AZIN2: variants seen among roughly 807,000 people sequenced by gnomAD.
AZIN2 encodes the protein ODC antizyme inhibitor-2.
AZIN2 carries 28 observed loss-of-function variants against 47.8 expected under a neutral mutation model. That is an observed-to-expected ratio of 0.59 (90% CI 0.43 to 0.80). The LOEUF is 0.80. AZIN2 is among the 30% of genes least tolerant of loss of function. The pLI is 0.00. For synonymous variants in AZIN2, 221 were observed against 239.4 expected (o/e 0.92, Z 0.71); for missense variants, 535 against 582.5 (o/e 0.92, Z 0.84).
At chr1:33,160,408 A>G in the AZIN2 span, among the ~76,000 whole-genome samples, 100 of 151,810 alleles carry the variant, frequency 6.6e-4, 3 homozygotes, top group East Asian at 0.014. Flanking sequence ...TGCTTTTATT[A>G]TTATTAGTTT....
At chr1:33,112,105 T>A (rs1644315168) in intron 10 of AZIN2, among the ~76,000 whole-genome samples, 1 of 152,078 alleles carries the variant, frequency 6.6e-6, no homozygotes, top group Non-Finnish European at 1.5e-5. Context: ...TAGAAAAACA[T>A]TAAAAGCATG....
Position 33,096,846 on chromosome 1 carries a change from T to G in AZIN2, c.893T>G (p.Leu298Arg). ...AGCATCATTGCCAAGAAGGAGGTTCTGCTAGACCAGCCTGGCAGGGAGGGT... is the reference window on the plus strand; with the variant it reads ...AGCATCATTGCCAAGAAGGAGGTTCGGCTAGACCAGCCTGGCAGGGAGGGT... ...AVSIIAKKEV[L>R]LDQPGREEEN... is the part of the protein sequence containing the mutation. The change falls in exon 9 of 12, where the codon CTG becomes CGG. Residue 298 changes from leucine to arginine, a missense_variant. Around this residue, in one of 3 missense-constraint regions of AZIN2, gnomAD observed 409 missense variants for 429.0 expected, o/e 0.95. Coordinates refer to ENST00000294517, the MANE Select transcript of AZIN2 (RefSeq NM_052998.4). 2 of 1,614,194 alleles carry G rather than the reference T, an allele frequency of 1.2e-6. No individual in the cohort carries two copies. The highest frequency in any genetic ancestry group is 1.7e-6 in the Non-Finnish European group (2 of 1,180,028).
chr1:33,081,193 C>A lies in AZIN2; in HGVS notation c.-507C>A. 6.5e-6 allele frequency: 1 copy of A among 154,248 alleles called. No homozygotes were observed. The highest frequency in any genetic ancestry group is 1.4e-5 in the Non-Finnish European group (1 of 69,372). 9.6% of individuals were successfully genotyped at this position (154,248 alleles called of 1,614,324 possible). A position where few individuals can be genotyped will look rare whatever the true frequency, so the allele number is the denominator to read the frequency against. On this transcript the variant is annotated 5_prime_UTR_variant, in exon 1 of 12. Coordinates refer to ENST00000294517, the MANE Select transcript of AZIN2 (RefSeq NM_052998.4). The surrounding 1 kb of genome is among the most constrained non-coding windows in gnomAD (Gnocchi z 4.2). ...GCTGCTGGGCTGGCGGGGCGCAGGC[C>A]GCGGGACCCGAGCCCGGGGAAGCGA...
At chr1:33,161,901 G>A in the AZIN2 span, among the ~76,000 whole-genome samples, 5 of 152,222 alleles carry the variant, frequency 3.3e-5, no homozygotes, top group East Asian at 7.7e-4. The surrounding 1 kb of genome is among the most constrained non-coding windows in gnomAD (Gnocchi z 4.3). Flanking sequence ...GCTCATCCAG[G>A]TCAGCGCCTT....
the AZIN2 span, chr1:33,162,740 A>G: frequency 0.71 from 108,174 of 152,654 alleles, 38,600 homozygotes; most frequent in Admixed American, 0.75. Context: ...CATCAGAGTG[A>G]CAGCCACCCC....
the AZIN2 span, chr1:33,159,899 G>A: frequency 4.3e-6 from 7 of 1,609,914 alleles, no homozygotes; most frequent in African/African-American, 4.0e-5. This position sits in a 1 kb window ranked among gnomAD's most constrained non-coding sequence, Gnocchi z 4.2. Flanking sequence ...CGGTGCAGCC[G>A]CTCGAAGGCC....
rs1462413055 is a variant in AZIN2 at position 33,096,724 on chromosome 1, C to T, written c.771C>T (p.Asn257=). The T allele has an allele frequency of 1.9e-6, 3 of 1,614,152 alleles. No homozygotes were observed. Among genetic ancestry groups the T allele is most frequent in the Non-Finnish European group, 2.5e-6 (3 of 1,180,052 alleles). The part of the protein sequence containing the change: ...VRFEEIASVI[N]SALDLYFPEG... ...CCTACCAGATTGCTTCCGTGATCAACTCAGCCTTGGACCTGTACTTCCCAG... is the reference window on the plus strand; with the variant it reads ...CCTACCAGATTGCTTCCGTGATCAATTCAGCCTTGGACCTGTACTTCCCAG... Residue 257 remains asparagine, a synonymous_variant, in exon 9 of 12, where the codon AAC becomes AAT. Transcript: ENST00000294517.
At chr1:33,094,928 A>G (rs1357723243) in intron 8 of AZIN2, among the ~76,000 whole-genome samples, 1 of 152,184 alleles carries the variant, frequency 6.6e-6, no homozygotes, top group Non-Finnish European at 1.5e-5. Context: ...CCAAAGCAGA[A>G]CCTGGTTCTG....
chr1:33,094,342 CA>C (rs2124533437), intron 7 of AZIN2, among the ~76,000 whole-genome samples: 1 of 152,348 alleles, frequency 6.6e-6, no homozygotes, highest in South Asian at 2.1e-4. Context: ...CACCAAGTGC[CA>C]GGAGCCCTTG....
At chr1:33,093,138 G>A (rs1214442731) in intron 6 of AZIN2, 144 bp from the exon 7 acceptor site, 3 of 1,013,350 alleles carry the variant, frequency 3.0e-6, no homozygotes, top group African/African-American at 1.6e-5. Context: ...AAGGTTGATT[G>A]GCTGTGTAGG....
intron 10 of AZIN2, among the ~76,000 whole-genome samples, chr1:33,111,346 G>A (rs1450688111): frequency 6.6e-6 from 1 of 152,072 alleles, no homozygotes; most frequent in African/African-American, 2.4e-5. Context: ...TCATTGTGGG[G>A]TTTTGTTTTG....
Position 33,120,417 on chromosome 1 carries a change from T to C in AZIN2, c.*235T>C. On this transcript the variant is annotated 3_prime_UTR_variant, in exon 12 of 12. Transcript: ENST00000294517. Reference sequence around the variant, plus strand: ...CCAGCTGTGTCTGCCTCCTCTGCAGTGCAAGGGGCCTGGTCAGCCAGGTGT... The same window carrying C: ...CCAGCTGTGTCTGCCTCCTCTGCAGCGCAAGGGGCCTGGTCAGCCAGGTGT... The C allele has an allele frequency of 1.8e-6, 1 of 565,046 alleles. No individual in the cohort carries two copies. The highest frequency in any genetic ancestry group is 2.9e-6 in the Non-Finnish European group (1 of 340,288). The allele number at this position is 565,046 out of a possible 1,614,324, so 35.0% of individuals were successfully genotyped here.
At chr1:33,162,613 C>T in the AZIN2 span, among the ~76,000 whole-genome samples, 1 of 152,146 alleles carries the variant, frequency 6.6e-6, no homozygotes, top group Non-Finnish European at 1.5e-5. Flanking sequence ...TGAGATTGCT[C>T]CGTAGAGCTG....
chr1:33,152,331 C>T, the AZIN2 span, among the ~76,000 whole-genome samples: 1 of 152,088 alleles, frequency 6.6e-6, no homozygotes, highest in Non-Finnish European at 1.5e-5. Flanking sequence ...TTTGGGAGGC[C>T]GAGGCAGGCG....
chr1:33,158,448 G>A, the AZIN2 span: 1 of 1,127,918 alleles, frequency 8.9e-7, no homozygotes, highest in Non-Finnish European at 1.3e-6. Flanking sequence ...GCCACCTTCA[G>A]GGCAGCTGGC....
chr1:33,091,951 C>G, intron 5 of AZIN2, 99 bp from the exon 6 acceptor site: 1 of 1,303,044 alleles, frequency 7.7e-7, no homozygotes, highest in Non-Finnish European at 1.1e-6. Context: ...ATGGGCCTCC[C>G]TATGCATAGC....
chr1:33,120,262 G>C lies in AZIN2; in HGVS notation c.*80G>C. 6.5e-7 allele frequency: 1 copy of C among 1,530,716 alleles called. No homozygotes were observed. Among genetic ancestry groups the C allele is most frequent in the Middle Eastern group, 1.8e-4 (1 of 5,656 alleles). 94.8% of individuals were successfully genotyped at this position (1,530,716 alleles called of 1,614,324 possible). On this transcript the variant is annotated 3_prime_UTR_variant, in exon 12 of 12. Transcript: ENST00000294517. ...AGAGGTGGGGAAGATGGCAGGCAAG[G>C]GTACCCTTGGCCAGGACTCTGGTGC... is the stretch of plus-strand genomic sequence containing the variant.
the AZIN2 span, among the ~76,000 whole-genome samples, chr1:33,150,116 GA>G: frequency 2.0e-5 from 3 of 152,234 alleles, no homozygotes; most frequent in Non-Finnish European, 4.4e-5. Flanking sequence ...GGAGAAGGAG[GA>G]AACTGGGATT....
At position 33,120,348 on chromosome 1, in the gene AZIN2, T is replaced by C. The variant is rs1644765940; in HGVS notation, c.*166T>C. The C allele has an allele frequency of 1.1e-6, 1 of 896,132 alleles. No individual in the cohort carries two copies. Among genetic ancestry groups the C allele is most frequent in the Admixed American group, 2.9e-5 (1 of 34,502 alleles). 55.5% of individuals were successfully genotyped at this position (896,132 alleles called of 1,614,324 possible). A position where few individuals can be genotyped will look rare whatever the true frequency, so the allele number is the denominator to read the frequency against. ...TCTGCCCTGTAAATAGGACCAGTCT[T>C]ACACTCGCTGTAGTTCAAGTATGCA... On this transcript the variant is annotated 3_prime_UTR_variant, in exon 12 of 12. Coordinates refer to ENST00000294517, the MANE Select transcript of AZIN2 (RefSeq NM_052998.4).
Sources: gnomAD v4.1 joint callset for allele counts (sites outside exome capture counted in the v4.1 genomes callset) on GRCh38, gnomAD v4.1.1 for gene constraint, gnomAD v4.1.1 regional missense constraint, Gnocchi (gnomAD v3.1) non-coding constraint, MANE v1.5 for transcripts, NCBI Gene and HGNC (gene_info 2026-07-23, HGNC 2026-07-21) for gene names.